Variants in NEK11 observed in about 807,000 individuals in gnomAD.
NEK11 encodes the protein NIMA related kinase 11, also known as serine/threonine-protein kinase Nek11.
In NEK11, 72 loss-of-function variants were observed where a neutral mutation model predicts 80.7. The observed-to-expected ratio is 0.89, with a 90% CI of 0.74 to 1.08. The LOEUF is 1.08. Ranked by LOEUF, NEK11 falls within the 50% of genes least tolerant of loss-of-function variation. The pLI is 0.00. For missense variants in NEK11, 764 were observed against 763.6 expected (o/e 1.00, Z -0.01); for synonymous variants, 251 against 260.7 (o/e 0.96, Z 0.36).
chr3:131,063,810 G>C (rs2148838990), intron 3 of NEK11, among the ~76,000 whole-genome samples: 1 of 152,220 alleles, frequency 6.6e-6, no homozygotes, highest in South Asian at 2.1e-4. Context: ...GTATGACCTA[G>C]CAATTCCATT....
intron 14 of NEK11, among the ~76,000 whole-genome samples, chr3:131,172,884 T>C (rs1403035379): frequency 6.6e-6 from 1 of 152,202 alleles, no homozygotes; most frequent in Non-Finnish European, 1.5e-5. Context: ...AAACCCAAGA[T>C]GGCAAAGAAA....
At chr3:131,143,301 T>A (rs2087384574) in intron 7 of NEK11, among the ~76,000 whole-genome samples, 1 of 152,128 alleles carries the variant, frequency 6.6e-6, no homozygotes, top group East Asian at 1.9e-4. Context: ...CCACTTTAGA[T>A]AGTTTGAGGT....
At chr3:131,208,606 T>A (rs1464874951) in intron 14 of NEK11, among the ~76,000 whole-genome samples, 1 of 152,246 alleles carries the variant, frequency 6.6e-6, no homozygotes, top group African/African-American at 2.4e-5. Context: ...GCATGGAATG[T>A]TCTTCCATTT....
intron 5 of NEK11, among the ~76,000 whole-genome samples, chr3:131,110,417 T>C (rs2079916696): frequency 6.6e-6 from 1 of 152,156 alleles, no homozygotes; most frequent in Non-Finnish European, 1.5e-5. Context: ...AGTATTCAGA[T>C]AGAAAGTCAG....
intron 17 of NEK11, among the ~76,000 whole-genome samples, chr3:131,285,661 C>A (rs1047100815): frequency 1.3e-5 from 2 of 152,204 alleles, no homozygotes; most frequent in African/African-American, 4.8e-5. Flanking sequence ...TTTTCTCATG[C>A]GGGCACCTGA....
At chr3:131,275,228 T>C (rs1228182215) in intron 17 of NEK11, among the ~76,000 whole-genome samples, 1 of 152,090 alleles carries the variant, frequency 6.6e-6, no homozygotes, top group Admixed American at 6.6e-5. Flanking sequence ...GGAGATAATA[T>C]AGAAGGTGTT....
chr3:131,150,120 T>C (rs903488465), intron 7 of NEK11, among the ~76,000 whole-genome samples: 1 of 152,088 alleles, frequency 6.6e-6, no homozygotes. Flanking sequence ...GGCAATTTTA[T>C]AGTTTTTCAA....
At position 131,332,102 on chromosome 3, in the gene NEK11, G is replaced by A. The variant is rs898852791; in HGVS notation, c.1719-17455G>A. ...TTAAACGTCCCGGTCTGACAGCTTT[G>A]AAGAGAGCAGTGGTTCTCCCAGCAT... On this transcript the variant is annotated intron_variant, in intron 17 of 17. Coordinates refer to ENST00000383366, the MANE Select transcript of NEK11 (RefSeq NM_024800.5). Among the ~76,000 whole-genome samples, 3 of 152,370 alleles carry A rather than the reference G, an allele frequency of 2.0e-5. No homozygotes were observed. In the East Asian group the frequency reaches 5.8e-4, roughly 29 times the overall value.
Position 131,178,784 on chromosome 3 carries a change from C to G in NEK11, c.1399+7897C>G, listed in dbSNP as rs368192135. On this transcript the variant is annotated intron_variant, in intron 14 of 17. Coordinates refer to ENST00000383366, the MANE Select transcript of NEK11 (RefSeq NM_024800.5). Reference sequence around the variant, plus strand: ...ATTATATTGTACATGCTTGTATGCCCTATACTTTTATATGACTGACAGTGC... The same window carrying G: ...ATTATATTGTACATGCTTGTATGCCGTATACTTTTATATGACTGACAGTGC... Among the ~76,000 whole-genome samples the G allele has an allele frequency of 3.3e-5, 5 of 152,100 alleles. No individual in the cohort carries two copies. The South Asian group carries it at 6.2e-4, about 19-fold the overall frequency.
intron 17 of NEK11, among the ~76,000 whole-genome samples, chr3:131,334,456 A>C (rs1189175177): frequency 6.6e-6 from 1 of 150,588 alleles, no homozygotes; most frequent in Non-Finnish European, 1.5e-5. Flanking sequence ...TCTCTGGGAC[A>C]CATTCAAAGC....
rs1025807634 is a variant in NEK11 at position 131,170,174 on chromosome 3, C to G, written c.1285-599C>G. On this transcript the variant is annotated intron_variant, in intron 13 of 17. Coordinates refer to ENST00000383366, the MANE Select transcript of NEK11 (RefSeq NM_024800.5). ...TCAGCACCAGCTCCAGGTTCAAACA[C>G]AAATACACACACACACACAAAACTA... Among the ~76,000 whole-genome samples the G allele has an allele frequency of 5.9e-5, 9 of 152,124 alleles. 1 individual carries two copies. The highest frequency in any genetic ancestry group is 5.9e-4 in the Admixed American group (9 of 15,282).
At chr3:131,280,580 G>A (rs765887526) in intron 17 of NEK11, among the ~76,000 whole-genome samples, 14 of 152,118 alleles carry the variant, frequency 9.2e-5, no homozygotes, top group Non-Finnish European at 1.6e-4. Flanking sequence ...TAGACATTAA[G>A]TTTTCATCTC....
At chr3:131,150,601 T>A (rs1269457532) in intron 7 of NEK11, among the ~76,000 whole-genome samples, 1 of 152,068 alleles carries the variant, frequency 6.6e-6, no homozygotes, top group East Asian at 1.9e-4. Context: ...AAGTTTGTTT[T>A]GTGAGCAGAA....
At chr3:131,104,565 G>A (rs745773864) in intron 4 of NEK11, among the ~76,000 whole-genome samples, 1 of 152,064 alleles carries the variant, frequency 6.6e-6, no homozygotes, top group Admixed American at 6.5e-5. Context: ...ATGACCAGCT[G>A]GAATGTTCAG....
intron 17 of NEK11, among the ~76,000 whole-genome samples, chr3:131,319,233 C>CTTG (rs1296248577): frequency 2.6e-5 from 4 of 152,114 alleles, no homozygotes; most frequent in African/African-American, 9.7e-5. Context: ...TCTAATGTGA[C>CTTG]TTGTTATTAA....
At chr3:131,210,929 T>G (rs2094591467) in intron 14 of NEK11, among the ~76,000 whole-genome samples, 1 of 152,214 alleles carries the variant, frequency 6.6e-6, no homozygotes, top group Non-Finnish European at 1.5e-5. Context: ...CTTTATCCAA[T>G]TTGCCAGTCT....
chr3:131,109,937 A>G lies in NEK11; in HGVS notation c.455+16A>G. On this transcript the variant is annotated intron_variant, in intron 5 of 17. Transcript: ENST00000383366. ...TGCATGAGAGGTATGTTCATTTGCT[A>G]CTGGGGGAGCATGATATATTTTTAA... is the stretch of plus-strand genomic sequence containing the variant. 1.9e-6 allele frequency: 3 copies of G among 1,578,604 alleles called. No individual in the cohort carries two copies. The highest frequency in any genetic ancestry group is 1.2e-5 in the South Asian group (1 of 83,828).
intron 3 of NEK11, among the ~76,000 whole-genome samples, chr3:131,068,888 T>C (rs1412273891): frequency 1.3e-5 from 2 of 152,194 alleles, no homozygotes; most frequent in African/African-American, 4.8e-5. Flanking sequence ...AAGGGAAGTA[T>C]GCTTATACAG....
intron 5 of NEK11, among the ~76,000 whole-genome samples, chr3:131,112,267 A>T (rs2080260979): frequency 6.6e-6 from 1 of 152,192 alleles, no homozygotes; most frequent in Non-Finnish European, 1.5e-5. Context: ...ACAATTGATA[A>T]TAAGCATGAC....
Sources: allele counts gnomAD v4.1 joint callset (sites outside exome capture counted in the v4.1 genomes callset), GRCh38; gene constraint gnomAD v4.1.1; transcripts MANE v1.5; gene names NCBI Gene and HGNC (gene_info 2026-07-23, HGNC 2026-07-21).